The following ADGRV1 variants were observed in gnomAD, a reference collection of about 807,000 sequenced individuals.
ADGRV1 encodes G-protein coupled receptor 98.
A neutral mutation model predicts 596.2 loss-of-function variants in ADGRV1; 359 were observed. The ratio of observed to expected loss-of-function variants is 0.60; its 90% CI spans 0.55 to 0.66. The LOEUF is 0.66. Ranked by LOEUF, ADGRV1 falls within the 30% of genes least tolerant of loss-of-function variation. ADGRV1 has a pLI of 0.00. For missense variants in ADGRV1, 7,274 were observed against 7,575.6 expected (o/e 0.96, Z 1.48); for synonymous variants, 2,681 against 2,679.2 (o/e 1.00, Z -0.02).
At chr5:91,059,328 C>T (rs1057153883) in intron 85 of ADGRV1, among the ~76,000 whole-genome samples, 3 of 152,030 alleles carry the variant, frequency 2.0e-5, no homozygotes, top group African/African-American at 4.8e-5. Flanking sequence ...AAGAGGTGTA[C>T]CTGGGATCCT....
At chr5:91,117,506 A>G (rs1792954867) in intron 87 of ADGRV1, among the ~76,000 whole-genome samples, 2 of 152,178 alleles carry the variant, frequency 1.3e-5, no homozygotes, top group African/African-American at 4.8e-5. Context: ...CATTTTACAC[A>G]TGGAGAAACA....
chr5:90,823,619 A>G, intron 76 of ADGRV1, 23 bp downstream of exon 76: 1 of 1,578,582 alleles, frequency 6.3e-7, no homozygotes, highest in Non-Finnish European at 8.7e-7. Context: ...GAGACACACT[A>G]GTGTCAACTT....
At chr5:90,607,072 C>T (rs2152035251) in intron 1 of ADGRV1, among the ~76,000 whole-genome samples, 1 of 152,116 alleles carries the variant, frequency 6.6e-6, no homozygotes, top group Non-Finnish European at 1.5e-5. Flanking sequence ...TAGCACTTTA[C>T]AGAAAAGGGT....
At chr5:90,702,604 C>T (rs188210432) in intron 34 of ADGRV1, among the ~76,000 whole-genome samples, 53 of 151,706 alleles carry the variant, frequency 3.5e-4, no homozygotes, top group African/African-American at 8.9e-4. Context: ...AAAAATGTGG[C>T]GGTTTAAAAA....
chr5:91,157,981 C>T (rs1014452300), intron 89 of ADGRV1, among the ~76,000 whole-genome samples: 1 of 152,222 alleles, frequency 6.6e-6, no homozygotes, highest in African/African-American at 2.4e-5. Flanking sequence ...GGGCAGCCAG[C>T]TCCCACATTG....
Position 90,753,790 on chromosome 5 carries a change from C to CG in ADGRV1, c.11339dup (p.Ala3781CysfsTer7), listed in dbSNP as rs767977978. On this transcript the variant is annotated frameshift_variant, in exon 54 of 90. Coordinates refer to ENST00000405460, the MANE Select transcript of ADGRV1 (RefSeq NM_032119.4). LOFTEE classifies it high-confidence loss of function. The stretch of plus-strand genomic sequence containing the variant: ...CTCACCTTTTGGCTTGGTGGGCTGG[C>CG]GTGCTGCGTCTGTCTTCATTAGAGT... 6.2e-7 allele frequency: 1 copy of CG among 1,611,338 alleles called. No homozygotes were observed.
chr5:90,893,487 G>A (rs1022015409), intron 83 of ADGRV1, among the ~76,000 whole-genome samples: 1 of 152,128 alleles, frequency 6.6e-6, no homozygotes, highest in East Asian at 1.9e-4. Flanking sequence ...GGGCCGTTGT[G>A]AAGGCTGGCT....
intron 83 of ADGRV1, among the ~76,000 whole-genome samples, chr5:90,891,458 C>T (rs1037815237): frequency 1.5e-4 from 22 of 151,122 alleles, no homozygotes; most frequent in East Asian, 7.7e-4. Flanking sequence ...AAATTACTTA[C>T]GGTAAAACTT....
intron 85 of ADGRV1, among the ~76,000 whole-genome samples, chr5:91,013,271 CTT>C (rs1782874254): frequency 6.6e-6 from 1 of 151,926 alleles, no homozygotes; most frequent in South Asian, 2.1e-4. Flanking sequence ...GCTTTTAGCT[CTT>C]TGAGGAATCA....
intron 9 of ADGRV1, among the ~76,000 whole-genome samples, chr5:90,633,958 TC>T (rs1200696712): frequency 6.6e-6 from 1 of 152,186 alleles, no homozygotes; most frequent in Non-Finnish European, 1.5e-5. Flanking sequence ...TCAGTACCAG[TC>T]CTGTCCACGT....
At chr5:91,135,785 G>A (rs922595830) in intron 87 of ADGRV1, among the ~76,000 whole-genome samples, 1 of 152,202 alleles carries the variant, frequency 6.6e-6, no homozygotes, top group Non-Finnish European at 1.5e-5. Flanking sequence ...GTTGATGGAT[G>A]ATGATGTGAC....
intron 85 of ADGRV1, among the ~76,000 whole-genome samples, chr5:91,029,271 T>C (rs1427227160): frequency 1.3e-5 from 2 of 152,232 alleles, no homozygotes; most frequent in Non-Finnish European, 2.9e-5. Flanking sequence ...GTTTAATCAA[T>C]ATAATGTTTT....
intron 83 of ADGRV1, among the ~76,000 whole-genome samples, chr5:90,946,403 G>T (rs757483819): frequency 6.6e-6 from 1 of 152,042 alleles, no homozygotes; most frequent in Non-Finnish European, 1.5e-5. Context: ...ATTGAGATTT[G>T]AACATAATCA....
chr5:90,886,134 G>A (rs1770259414), intron 83 of ADGRV1, among the ~76,000 whole-genome samples: 1 of 152,134 alleles, frequency 6.6e-6, no homozygotes, highest in African/African-American at 2.4e-5. Flanking sequence ...CTATCGTTCT[G>A]GAGGCTGGCT....
At chr5:90,758,510 T>C (rs1260316003) in intron 57 of ADGRV1, among the ~76,000 whole-genome samples, 3 of 152,186 alleles carry the variant, frequency 2.0e-5, no homozygotes, top group Non-Finnish European at 4.4e-5. Context: ...AGGATCCTAC[T>C]TATTCTTAAA....
intron 20 of ADGRV1, 75 bp from the exon 21 acceptor site, chr5:90,657,830 T>C (rs1214390489): frequency 1.4e-6 from 2 of 1,424,122 alleles, no homozygotes; most frequent in Non-Finnish European, 1.9e-6. Flanking sequence ...ATTGTCTTAC[T>C]TTCTGAATCA....
At chr5:90,821,826 A>T (rs1763550415) in intron 75 of ADGRV1, among the ~76,000 whole-genome samples, 1 of 151,800 alleles carries the variant, frequency 6.6e-6, no homozygotes, top group South Asian at 2.1e-4. Context: ...CAAAGCTGTC[A>T]GACAGGGACA....
At chr5:90,661,727 CTGTT>C (rs971236019) in intron 21 of ADGRV1, among the ~76,000 whole-genome samples, 7 of 152,068 alleles carry the variant, frequency 4.6e-5, no homozygotes, top group Non-Finnish European at 2.9e-5. Context: ...TAGTGAGAAA[CTGTT>C]TGGGGATGGT....
At chr5:90,908,865 G>T (rs1040796477) in intron 83 of ADGRV1, among the ~76,000 whole-genome samples, 2 of 152,174 alleles carry the variant, frequency 1.3e-5, no homozygotes, top group South Asian at 4.1e-4. Context: ...AAACACAGTT[G>T]AGTTAAAATG....
Sources: allele counts gnomAD v4.1 joint callset (sites outside exome capture counted in the v4.1 genomes callset), GRCh38; gene constraint gnomAD v4.1.1; transcripts MANE v1.5; gene names NCBI Gene and HGNC (gene_info 2026-07-23, HGNC 2026-07-21).